The following CEP85L variants were observed in gnomAD, a reference collection of about 807,000 sequenced individuals.
The protein encoded by CEP85L is centrosomal protein of 85 kDa-like.
CEP85L carries 60 observed loss-of-function variants against 100.3 expected under a neutral mutation model. The observed-to-expected ratio is 0.60, with a 90% confidence interval of 0.49 to 0.74. CEP85L has a LOEUF of 0.74. CEP85L is among the 30% of genes least tolerant of loss of function. The pLI is 0.00. For missense variants in CEP85L, 973 were observed against 936.2 expected (o/e 1.04, Z -0.51); for synonymous variants, 319 against 322.7 (o/e 0.99, Z 0.12).
Position 118,565,839 on chromosome 6 carries a change from T to G in CEP85L, c.710A>C (p.Lys237Thr). The change falls in exon 3 of 13, where the codon AAG becomes ACG. Residue 237 changes from lysine (K) to threonine (T), a missense_variant. By Grantham distance (78) the Lys-to-Thr change is moderately conservative. Coordinates refer to ENST00000368491, the MANE Select transcript of CEP85L (RefSeq NM_001042475.3). ...AGAGGAAGAGGCTCTAAAGTCCTCC[T>G]TGCTACAGCTCTCAAATTTATACTT... ...DCKYKFESCS[K>T]EDFRASSSTL... 6.2e-7 allele frequency: 1 copy of G among 1,614,106 alleles called. No homozygotes were observed. The highest frequency in any genetic ancestry group is 1.7e-5 in the Admixed American group (1 of 60,024).
intron 2 of CEP85L, among the ~76,000 whole-genome samples, chr6:118,630,786 A>C (rs1774093664): frequency 1.3e-5 from 2 of 152,246 alleles, no homozygotes; most frequent in South Asian, 4.1e-4. Context: ...GCTGCACAGC[A>C]GGAGGTGAGT....
Position 118,597,414 on chromosome 6 carries a change from T to G in CEP85L, c.233-31098A>C, listed in dbSNP as rs563937732. Among the ~76,000 whole-genome samples the G allele has an allele frequency of 1.2e-4, 18 of 152,240 alleles. 1 individual carries two copies. In the South Asian group the frequency reaches 3.7e-3, roughly 32 times the overall value. On this transcript the variant is annotated intron_variant, in intron 2 of 12. Coordinates refer to ENST00000368491, the MANE Select transcript of CEP85L (RefSeq NM_001042475.3). ...GTTTCATACATTAATAAAAAATTGT[T>G]GGGGAAAAAGAGTCAAAGTTCAGCT... is the stretch of plus-strand genomic sequence containing the variant.
chr6:118,603,603 A>C (rs1234871480), intron 2 of CEP85L, among the ~76,000 whole-genome samples: 6 of 152,256 alleles, frequency 3.9e-5, no homozygotes, highest in African/African-American at 1.4e-4. Flanking sequence ...AAAAGCTCAA[A>C]AGAAGTTTTC....
chr6:118,685,020 C>A (rs1562358522), intron 1 of CEP85L, among the ~76,000 whole-genome samples: 2 of 152,054 alleles, frequency 1.3e-5, no homozygotes, highest in Non-Finnish European at 2.9e-5. Flanking sequence ...AGAAATGAAC[C>A]CTGACGGTAA....
chr6:118,696,591 T>C (rs1222199149), intron 1 of CEP85L, among the ~76,000 whole-genome samples: 11 of 152,224 alleles, frequency 7.2e-5, no homozygotes, highest in Admixed American at 7.2e-4. Context: ...GCCCGTTGAG[T>C]GAGCCCCAGG....
chr6:118,581,825 A>C (rs1425800366), intron 2 of CEP85L, among the ~76,000 whole-genome samples: 1 of 152,192 alleles, frequency 6.6e-6, no homozygotes, highest in Non-Finnish European at 1.5e-5. Context: ...AAAGTGACTC[A>C]TATTCTATTG....
At chr6:118,484,446 T>A (rs1312160975) in intron 6 of CEP85L, among the ~76,000 whole-genome samples, 10 of 152,264 alleles carry the variant, frequency 6.6e-5, no homozygotes, top group Non-Finnish European at 1.5e-4. Flanking sequence ...GGGGCAGTAA[T>A]GACATAGTTT....
At chr6:118,656,495 G>A (rs1401621265), upstream of CEP85L, among the ~76,000 whole-genome samples, 2 of 152,200 alleles carry the variant, frequency 1.3e-5, no homozygotes, top group African/African-American at 4.8e-5. Flanking sequence ...ATTGATCTGT[G>A]AGGTGACCTT....
At chr6:118,699,970 C>T (rs1431886931) in intron 1 of CEP85L, among the ~76,000 whole-genome samples, 1 of 152,214 alleles carries the variant, frequency 6.6e-6, no homozygotes, top group Non-Finnish European at 1.5e-5. Context: ...GCTGGGATTA[C>T]AGGCGTGAGC....
chr6:118,514,605 T>G (rs1390447364), intron 4 of CEP85L, among the ~76,000 whole-genome samples: 1 of 149,074 alleles, frequency 6.7e-6, no homozygotes, highest in Non-Finnish European at 1.5e-5. Flanking sequence ...AACATGTAAA[T>G]GGTTTAGATA....
At chr6:118,598,844 T>C (rs1781583201) in intron 2 of CEP85L, among the ~76,000 whole-genome samples, 2 of 152,190 alleles carry the variant, frequency 1.3e-5, no homozygotes, top group South Asian at 2.1e-4. Context: ...TATACACATA[T>C]ACTGGGGACT....
intron 3 of CEP85L, among the ~76,000 whole-genome samples, chr6:118,564,235 A>G (rs1182503858): frequency 2.0e-5 from 3 of 152,184 alleles, no homozygotes; most frequent in Admixed American, 6.5e-5. Flanking sequence ...AATTTGCCCA[A>G]TTATCTCTAT....
chr6:118,595,010 G>C (rs1429706629), intron 2 of CEP85L, among the ~76,000 whole-genome samples: 1 of 152,076 alleles, frequency 6.6e-6, no homozygotes, highest in Non-Finnish European at 1.5e-5. Context: ...TAAGCAAAAA[G>C]TAAGTTTCTT....
At chr6:118,507,853 G>T (rs981057829) in intron 5 of CEP85L, among the ~76,000 whole-genome samples, 7 of 152,084 alleles carry the variant, frequency 4.6e-5, no homozygotes, top group African/African-American at 7.2e-5. Flanking sequence ...GTTCATAGCT[G>T]GGGTTCCCAC....
intron 3 of CEP85L, among the ~76,000 whole-genome samples, chr6:118,561,731 T>C (rs1230934647): frequency 6.6e-6 from 1 of 152,148 alleles, no homozygotes; most frequent in African/African-American, 2.4e-5. Context: ...GGCTGCTCTA[T>C]AATACACTTA....
At chr6:118,630,484 G>A (rs1373292295) in intron 2 of CEP85L, among the ~76,000 whole-genome samples, 3 of 152,112 alleles carry the variant, frequency 2.0e-5, no homozygotes, top group Admixed American at 6.5e-5. Flanking sequence ...ACCTACACAC[G>A]GCTGTTTACA....
intron 4 of CEP85L, 98 bp from the exon 5 acceptor site, chr6:118,511,513 C>T (rs1041177982): frequency 1.4e-6 from 1 of 697,340 alleles, no homozygotes; most frequent in Non-Finnish European, 2.4e-6. Flanking sequence ...TTTAATATTC[C>T]TCTTAGATTC....
At chr6:118,661,709 G>C (rs1562346777) in intron 1 of CEP85L, among the ~76,000 whole-genome samples, 1 of 152,046 alleles carries the variant, frequency 6.6e-6, no homozygotes. Flanking sequence ...AATGTTATTT[G>C]TTGAGTTTAA....
intron 6 of CEP85L, among the ~76,000 whole-genome samples, chr6:118,485,145 T>C (rs1186163535): frequency 6.6e-6 from 1 of 152,220 alleles, no homozygotes; most frequent in Admixed American, 6.5e-5. Context: ...ATAAATTTCA[T>C]ATCTCATAGT....
Sources: gnomAD v4.1 joint callset for allele counts (sites outside exome capture counted in the v4.1 genomes callset) on GRCh38, gnomAD v4.1.1 for gene constraint, MANE v1.5 for transcripts, NCBI Gene and HGNC (gene_info 2026-07-23, HGNC 2026-07-21) for gene names.